The following SIK3 variants were observed in gnomAD, a reference collection of about 807,000 sequenced individuals.
SIK3 encodes the protein serine/threonine-protein kinase SIK3.
Under a neutral mutation model 144.2 loss-of-function variants are expected in SIK3, and 28 were observed. That is an observed-to-expected ratio of 0.19 (90% CI 0.14 to 0.27). The LOEUF is 0.27. Ranked by LOEUF, SIK3 falls within the 10% of genes least tolerant of loss-of-function variation. The probability of loss-of-function intolerance (pLI) is 1.00; values close to 1 mark genes in which losing one functional copy is unlikely to be tolerated. For synonymous variants in SIK3, 686 were observed against 676.3 expected (o/e 1.01, Z -0.22); for missense variants, 1,319 against 1,776.0 (o/e 0.74, Z 4.62).
At chr11:116,878,746 C>T (rs1406307535) in intron 6 of SIK3, among the ~76,000 whole-genome samples, 1 of 152,200 alleles carries the variant, frequency 6.6e-6, no homozygotes, top group Non-Finnish European at 1.5e-5. Context: ...ACATGTTTAA[C>T]ACACTCTCAT....
chr11:116,881,105 C>A (rs530392180), intron 6 of SIK3, among the ~76,000 whole-genome samples: 2 of 152,090 alleles, frequency 1.3e-5, no homozygotes, highest in Admixed American at 1.3e-4. Flanking sequence ...GCCTGGGCGA[C>A]AGAGCGAGAC....
intron 6 of SIK3, among the ~76,000 whole-genome samples, chr11:116,881,679 A>G (rs1231868747): frequency 1.3e-5 from 2 of 152,220 alleles, no homozygotes; most frequent in Non-Finnish European, 2.9e-5. Context: ...TGGCATACCA[A>G]GAGAGCAAAA....
At chr11:116,905,135 C>T (rs1565434164) in intron 4 of SIK3, 1 of 155,754 alleles carries the variant, frequency 6.4e-6, no homozygotes, top group Non-Finnish European at 1.5e-5. Context: ...TGGCCCAGCC[C>T]TAGGCTTTCT....
chr11:117,012,454 T>C (rs962892916), intron 1 of SIK3, among the ~76,000 whole-genome samples: 2 of 152,214 alleles, frequency 1.3e-5, no homozygotes, highest in African/African-American at 4.8e-5. Flanking sequence ...TATTTGACCT[T>C]ATGTTTGAAG....
chr11:117,039,775 G>A (rs1952662479), intron 1 of SIK3, among the ~76,000 whole-genome samples: 2 of 152,140 alleles, frequency 1.3e-5, no homozygotes, highest in African/African-American at 4.8e-5. Context: ...AGACACTAAA[G>A]AAGTAGTTAC....
rs1017693121 is a variant in SIK3 at position 116,843,856 on chromosome 11, C to G, written c.*1787G>C. The stretch of plus-strand genomic sequence containing the variant: ...GGACCATGGAAACATGGGACAGCTC[C>G]CACGAAGGGCTCTTGCACTGCAGAA... On this transcript the variant is annotated 3_prime_UTR_variant, in exon 25 of 25. Transcript: ENST00000445177. The G allele has an allele frequency of 1.3e-5, 2 of 152,156 alleles. No individual in the cohort carries two copies. Among genetic ancestry groups the G allele is most frequent in the Non-Finnish European group, 2.9e-5 (2 of 68,054 alleles). 9.4% of individuals were successfully genotyped at this position (152,156 alleles called of 1,614,324 possible).
In SIK3 at chr11:116,846,259, G is replaced by A. The variant is rs1029822460; in HGVS notation, c.*13+124C>T. 1.0e-5 allele frequency: 10 copies of A among 958,256 alleles called. No individual in the cohort carries two copies. The highest frequency in any genetic ancestry group is 3.4e-5 in the South Asian group (2 of 58,128). The allele number at this position is 958,256 out of a possible 1,614,324, so 59.4% of individuals were successfully genotyped here. On this transcript the variant is annotated intron_variant, in intron 24 of 24. Coordinates refer to ENST00000445177, the MANE Select transcript of SIK3 (RefSeq NM_001366686.3). The surrounding 1 kb of genome is among the most constrained non-coding windows in gnomAD (Gnocchi z 4.1). ...AAAAGCAAGAAACTGTGAAGGCCAC[G>A]AGGGGAGGCGTGGTACTGTCGACTG... is the stretch of plus-strand genomic sequence containing the variant.
chr11:116,884,831 A>C (rs1353985497), intron 6 of SIK3, among the ~76,000 whole-genome samples: 2 of 152,156 alleles, frequency 1.3e-5, no homozygotes, highest in African/African-American at 2.4e-5. Context: ...ACAACCTTGG[A>C]ACTTAACCTA....
At chr11:117,014,009 T>C (rs1437369591) in intron 1 of SIK3, among the ~76,000 whole-genome samples, 3 of 119,606 alleles carry the variant, frequency 2.5e-5, no homozygotes, top group Non-Finnish European at 3.4e-5. Context: ...CAGGATGGTC[T>C]TGCTCTGTCA....
intron 1 of SIK3, among the ~76,000 whole-genome samples, chr11:116,992,976 T>C (rs1304218363): frequency 6.6e-6 from 1 of 152,084 alleles, no homozygotes; most frequent in Non-Finnish European, 1.5e-5. Context: ...CAGAGTGAGA[T>C]TCTGTCTCAA....
chr11:116,878,396 T>C (rs1318126588), intron 6 of SIK3, among the ~76,000 whole-genome samples: 2 of 138,778 alleles, frequency 1.4e-5, no homozygotes, highest in Non-Finnish European at 3.2e-5. Flanking sequence ...TTTTTTTTTT[T>C]TACATAGAGT....
intron 3 of SIK3, 73 bp downstream of exon 3, chr11:116,953,971 G>A: frequency 8.7e-7 from 1 of 1,147,202 alleles, no homozygotes; most frequent in Non-Finnish European, 1.3e-6. Context: ...AGTGACAAAG[G>A]CACTGAACAG....
At chr11:116,983,308 G>A (rs972664081) in intron 1 of SIK3, among the ~76,000 whole-genome samples, 8 of 151,048 alleles carry the variant, frequency 5.3e-5, no homozygotes, top group Non-Finnish European at 1.0e-4. Flanking sequence ...GAGGTGGATG[G>A]ATCACTTGAG....
chr11:116,909,122 G>A (rs1204308430), intron 4 of SIK3, among the ~76,000 whole-genome samples: 2 of 151,992 alleles, frequency 1.3e-5, no homozygotes, highest in African/African-American at 4.8e-5. Context: ...AAACAACATG[G>A]ATAAATCTCA....
At chr11:116,913,923 CA>C (rs971533450) in intron 4 of SIK3, among the ~76,000 whole-genome samples, 12 of 151,596 alleles carry the variant, frequency 7.9e-5, no homozygotes, top group Non-Finnish European at 1.2e-4. Flanking sequence ...AAACCACAAA[CA>C]AAAAAACAAA....
chr11:117,021,784 G>A (rs922449251), intron 1 of SIK3, among the ~76,000 whole-genome samples: 9 of 151,262 alleles, frequency 5.9e-5, no homozygotes, highest in Non-Finnish European at 8.8e-5. Flanking sequence ...GTAACAAGAC[G>A]TCATCTCTAA....
intron 1 of SIK3, among the ~76,000 whole-genome samples, chr11:116,980,572 G>A (rs1422174115): frequency 6.6e-6 from 1 of 152,150 alleles, no homozygotes; most frequent in African/African-American, 2.4e-5. Context: ...TCATAATCAG[G>A]TCAGCTGAGG....
rs1054097814 is a variant in SIK3, at chr11:117,053,979, C to A, written c.273+44164G>T. Among the ~76,000 whole-genome samples, 10 of 152,132 alleles carry A rather than the reference C, an allele frequency of 6.6e-5. 1 individual carries two copies. The highest frequency in any genetic ancestry group is 5.9e-4 in the Admixed American group (9 of 15,250). The stretch of plus-strand genomic sequence containing the variant: ...TCTATTTTTTTCAAAGAGACAAGGT[C>A]TTGCTATGCTGCCCAGGCTGGCCTC... On this transcript the variant is annotated intron_variant, in intron 1 of 24. Transcript: ENST00000445177.
intron 5 of SIK3, among the ~76,000 whole-genome samples, chr11:116,896,760 T>C (rs1208439807): frequency 2.0e-5 from 3 of 152,212 alleles, no homozygotes; most frequent in African/African-American, 7.2e-5. Flanking sequence ...GTGCAGTGGC[T>C]CATGCCTATA....
Sources: gnomAD v4.1 joint callset for allele counts (sites outside exome capture counted in the v4.1 genomes callset) on GRCh38, gnomAD v4.1.1 for gene constraint, Gnocchi (gnomAD v3.1) non-coding constraint, MANE v1.5 for transcripts, NCBI Gene and HGNC (gene_info 2026-07-23, HGNC 2026-07-21) for gene names.